Variants in HYDIN observed in about 807,000 individuals in gnomAD.
HYDIN encodes the protein axonemal central pair apparatus protein HYDIN.
In HYDIN, 132 loss-of-function variants were observed where a neutral mutation model predicts 403.9. The observed-to-expected ratio is 0.33, with a 90% confidence interval of 0.28 to 0.38. The LOEUF (loss-of-function observed/expected upper bound fraction) is 0.38. Ranked by LOEUF, HYDIN falls within the 10% of genes least tolerant of loss-of-function variation. The probability of loss-of-function intolerance (pLI) is 1.00; values close to 1 mark genes in which losing one functional copy is unlikely to be tolerated. For missense variants in HYDIN, 2,827 were observed against 5,009.5 expected (o/e 0.56, Z 13.15); for synonymous variants, 1,202 against 1,891.7 (o/e 0.64, Z 9.46).
chr16:71,194,579 T>G (rs749577130), intron 1 of HYDIN, among the ~76,000 whole-genome samples: 1 of 152,126 alleles, frequency 6.6e-6, no homozygotes, highest in Non-Finnish European at 1.5e-5. Context: ...GAGATAACAA[T>G]AAAAAGAGTG....
At position 71,198,377 on chromosome 16, in the gene HYDIN, G is replaced by A. The variant is rs557722578; in HGVS notation, c.-23-11459C>T. Among the ~76,000 whole-genome samples the A allele has an allele frequency of 3.3e-5, 5 of 152,168 alleles. No homozygotes were observed. The East Asian group carries it at 9.7e-4, about 29-fold the overall frequency. On this transcript the variant is annotated intron_variant, in intron 1 of 85. Transcript: ENST00000393567. ...AAAGGTAATCAGAGTCTATATCTAGGAAAGAAACTGCTAGATCATAGAGTA... is the reference window on the plus strand; with the variant it reads ...AAAGGTAATCAGAGTCTATATCTAGAAAAGAAACTGCTAGATCATAGAGTA...
intron 6 of HYDIN, among the ~76,000 whole-genome samples, chr16:71,153,253 G>A (rs1256064602): frequency 6.6e-6 from 1 of 152,076 alleles, no homozygotes; most frequent in Admixed American, 6.5e-5. Context: ...CAGGAGAGAG[G>A]GCATCATAGT....
intron 43 of HYDIN, among the ~76,000 whole-genome samples, chr16:70,939,715 G>T (rs1020574842): frequency 6.6e-6 from 1 of 150,912 alleles, no homozygotes; most frequent in Non-Finnish European, 1.5e-5. Context: ...GTTGTGTTAA[G>T]TAACCAAGTT....
intron 47 of HYDIN, among the ~76,000 whole-genome samples, chr16:70,913,197 G>C: frequency 6.7e-6 from 1 of 150,360 alleles, no homozygotes. Context: ...ATTTGTTCTT[G>C]TTTCTCTAGT....
chr16:70,877,567 T>G (rs2040524364), intron 62 of HYDIN, among the ~76,000 whole-genome samples: 1 of 152,220 alleles, frequency 6.6e-6, no homozygotes. Flanking sequence ...CTGTTCCACT[T>G]CAGATAATCA....
chr16:71,191,938 T>C (rs1326069623), intron 1 of HYDIN, among the ~76,000 whole-genome samples: 4 of 152,154 alleles, frequency 2.6e-5, no homozygotes, highest in Non-Finnish European at 5.9e-5. Flanking sequence ...ATTAACCATA[T>C]AACACATACT....
In HYDIN at chr16:71,214,025, G is replaced by GA. The variant is rs574805084; in HGVS notation, c.-24+16536dup. Among the ~76,000 whole-genome samples the GA allele has an allele frequency of 1.7e-3, 262 of 152,032 alleles. 2 individuals carry two copies. The highest frequency in any genetic ancestry group is 6.0e-3 in the African/African-American group (248 of 41,510). On this transcript the variant is annotated intron_variant, in intron 1 of 85. Coordinates refer to ENST00000393567, the MANE Select transcript of HYDIN (RefSeq NM_001270974.2). ...ATAATATGAATATATAACATTTTTA[G>GA]AAAATCCAAAAAGCTGACATAAATT...
intron 52 of HYDIN, among the ~76,000 whole-genome samples, chr16:70,902,821 A>ATATATATATATATATATATATATAT: frequency 4.2e-5 from 2 of 47,318 alleles, no homozygotes; most frequent in African/African-American, 2.3e-4. Context: ...ATATATATAT[A>ATATATATATATATATATATATATAT]TTTTTTTTTT....
At chr16:71,053,991 T>G (rs1242841618) in intron 18 of HYDIN, among the ~76,000 whole-genome samples, 1 of 152,392 alleles carries the variant, frequency 6.6e-6, no homozygotes, top group Non-Finnish European at 1.5e-5. Context: ...GGCTGACTTT[T>G]ATCATGCAAC....
Position 71,031,117 on chromosome 16 carries a change from G to A in HYDIN, c.2768+562C>T, listed in dbSNP as rs111300404. On this transcript the variant is annotated intron_variant, in intron 19 of 85. Coordinates refer to ENST00000393567, the MANE Select transcript of HYDIN (RefSeq NM_001270974.2). ...TGGGAGGCTGAGGCAGGAGAATGGCGTGAACCCGGGAGGCGGAGCTTGCAG... is the reference window on the plus strand; with the variant it reads ...TGGGAGGCTGAGGCAGGAGAATGGCATGAACCCGGGAGGCGGAGCTTGCAG... 9.7e-4 allele frequency among the ~76,000 whole-genome samples: 143 copies of A among 147,926 alleles called. 3 individuals are homozygous for A. The highest frequency in any genetic ancestry group is 3.4e-3 in the African/African-American group (137 of 39,912).
At chr16:71,195,320 T>A (rs890040729) in intron 1 of HYDIN, among the ~76,000 whole-genome samples, 2 of 152,132 alleles carry the variant, frequency 1.3e-5, no homozygotes, top group Admixed American at 1.3e-4. Flanking sequence ...CTTTGCTTTC[T>A]GGAAGTAAAT....
chr16:71,007,127 CT>C (rs2079914271), intron 23 of HYDIN, among the ~76,000 whole-genome samples: 1 of 151,704 alleles, frequency 6.6e-6, no homozygotes. Context: ...CTGTGCTGCC[CT>C]TCCCTTATTT....
intron 28 of HYDIN, among the ~76,000 whole-genome samples, chr16:70,981,790 G>C (rs942144485): frequency 3.3e-5 from 5 of 152,080 alleles, no homozygotes; most frequent in African/African-American, 1.2e-4. Context: ...AAACTGGCAA[G>C]ACTGATTAAG....
At chr16:71,100,398 A>G (rs1288979475) in intron 10 of HYDIN, among the ~76,000 whole-genome samples, 2 of 152,166 alleles carry the variant, frequency 1.3e-5, no homozygotes, top group Non-Finnish European at 2.9e-5. Context: ...TGGTGGGTTG[A>G]TTTTAAAATT....
chr16:70,847,279 T>C (rs2038279857), intron 75 of HYDIN, among the ~76,000 whole-genome samples: 1 of 150,946 alleles, frequency 6.6e-6, no homozygotes, highest in African/African-American at 2.4e-5. Flanking sequence ...TACAGATTTA[T>C]AGTTATTGCT....
In HYDIN at chr16:70,837,865, G is replaced by C. The variant is rs183038651; in HGVS notation, c.13067C>G (p.Thr4356Ser). 42 of 1,613,906 alleles carry C rather than the reference G, an allele frequency of 2.6e-5. No individual in the cohort carries two copies. The East Asian group carries it at 8.5e-4, about 33-fold the overall frequency. Reference protein sequence around the residue: ...PMSIDCLYTNTTHLEVNSRVD... With the variant: ...PMSIDCLYTNSTHLEVNSRVD... ...ACGGGAGTTCACCTCGAGGTGAGTG[G>C]TGTTGGTGTACAGACAATCTATGCT... Residue 4356 changes from threonine to serine, a missense_variant, in exon 77 of 86, where the codon ACC becomes AGC. Coordinates refer to ENST00000393567, the MANE Select transcript of HYDIN (RefSeq NM_001270974.2).
At chr16:70,870,425 G>A (rs1473745068) in intron 65 of HYDIN, among the ~76,000 whole-genome samples, 1 of 152,016 alleles carries the variant, frequency 6.6e-6, no homozygotes, top group Admixed American at 6.5e-5. Context: ...GGTGGCCCAG[G>A]GACCCCCCTG....
intron 72 of HYDIN, among the ~76,000 whole-genome samples, chr16:70,855,516 T>C (rs2038965091): frequency 6.6e-6 from 1 of 152,306 alleles, no homozygotes; most frequent in Admixed American, 6.5e-5. Context: ...ACAGCTCTCC[T>C]GGGATTCTGG....
intron 23 of HYDIN, among the ~76,000 whole-genome samples, chr16:70,993,964 T>C (rs1258471659): frequency 2.0e-5 from 3 of 152,166 alleles, no homozygotes; most frequent in East Asian, 1.9e-4. Context: ...GTAAATGATA[T>C]AGTCTATGTC....
Sources: allele counts gnomAD v4.1 joint callset (sites outside exome capture counted in the v4.1 genomes callset), GRCh38; gene constraint gnomAD v4.1.1; transcripts MANE v1.5; gene names NCBI Gene and HGNC (gene_info 2026-07-23, HGNC 2026-07-21).